Variants in MTAP observed in about 807,000 individuals in gnomAD.
The protein encoded by MTAP is methylthioadenosine phosphorylase.
MTAP carries 33 observed loss-of-function variants against 33.6 expected under a neutral mutation model. That is an observed-to-expected ratio of 0.98 (90% confidence interval 0.74 to 1.31). The LOEUF is 1.31. Ranked by LOEUF, MTAP falls within the 40% of genes most tolerant of loss-of-function variation. MTAP has a pLI of 0.00. For synonymous variants in MTAP, 148 were observed against 125.7 expected, an observed-to-expected ratio of 1.18 and a Z score of -1.19; for missense variants, 367 against 360.0, an observed-to-expected ratio of 1.02 and a Z score of -0.16.
Position 21,911,199 on chromosome 9 carries a change from A to G in MTAP, c.148-19809A>G, listed in dbSNP as rs1045913361. Among the ~76,000 whole-genome samples, 10 of 152,144 alleles carry G rather than the reference A, an allele frequency of 6.6e-5. No individual in the cohort carries two copies. In the South Asian group the frequency reaches 8.3e-4, roughly 13 times the overall value. ...TAATAATGGGAGACTTTAACACCCC[A>G]CTATCAACATTAGACAGATCAATGA... On this transcript the variant is annotated intron_variant, in intron 1 of 1. Coordinates refer to the MTAP transcript ENST00000577563.
In MTAP at chr9:21,860,513, C is replaced by T. The variant is rs954387990; in HGVS notation, c.813+1088C>T. 1.1e-4 allele frequency: 17 copies of T among 152,126 alleles called. 1 individual carries two copies. Among genetic ancestry groups the T allele is most frequent in the Non-Finnish European group, 4.4e-5 (3 of 68,024 alleles). The allele number at this position is 152,126 out of a possible 1,614,324, so 9.4% of individuals were successfully genotyped here. A position where few individuals can be genotyped will look rare whatever the true frequency, so the allele number is the denominator to read the frequency against. On this transcript the variant is annotated intron_variant, in intron 7 of 7. Coordinates refer to ENST00000644715, the MANE Select transcript of MTAP (RefSeq NM_002451.4). ...TGGTTTCAACACTGTATACCTAGGA[C>T]CTAAATGTTATTTAATGAATAAATG...
chr9:21,809,939 GAAGTGTGTCTTTAA>G (rs1433836924), intron 1 of MTAP, among the ~76,000 whole-genome samples: 2 of 152,230 alleles, frequency 1.3e-5, no homozygotes, highest in Non-Finnish European at 2.9e-5. Context: ...TTCAGCAGGT[GAAGTGTGTCTTTAA>G]GAGGGTGTCT....
intron 5 of MTAP, among the ~76,000 whole-genome samples, chr9:21,849,730 AT>A (rs1370896640): frequency 1.3e-5 from 2 of 152,234 alleles, no homozygotes; most frequent in African/African-American, 2.4e-5. Context: ...CCACATCCCC[AT>A]TTATCTCTCC....
At chr9:21,871,930 GA>G (rs1825943797), downstream of MTAP, among the ~76,000 whole-genome samples, 1 of 152,184 alleles carries the variant, frequency 6.6e-6, no homozygotes, top group Non-Finnish European at 1.5e-5. Flanking sequence ...TATATTGTCT[GA>G]TTTCAGTCTT....
downstream of MTAP, among the ~76,000 whole-genome samples, chr9:21,939,510 C>T (rs1408799173): frequency 6.6e-6 from 1 of 152,118 alleles, no homozygotes; most frequent in Non-Finnish European, 1.5e-5. Flanking sequence ...AATTCAGAAA[C>T]TATTAGCAAG....
chr9:21,904,248 T>C (rs1275252427), intron 1 of MTAP, among the ~76,000 whole-genome samples: 3 of 152,174 alleles, frequency 2.0e-5, no homozygotes, highest in Non-Finnish European at 4.4e-5. Flanking sequence ...TTCAGCCGCC[T>C]GTGTATCTGC....
chr9:21,804,747 C>T (rs903398151), intron 1 of MTAP, among the ~76,000 whole-genome samples: 2 of 152,184 alleles, frequency 1.3e-5, no homozygotes, highest in Non-Finnish European at 2.9e-5. Flanking sequence ...TCAAGACCAT[C>T]CATATAGCCA....
intron 1 of MTAP, among the ~76,000 whole-genome samples, chr9:21,813,576 A>G (rs1263258163): frequency 6.6e-6 from 1 of 152,204 alleles, no homozygotes; most frequent in Non-Finnish European, 1.5e-5. Context: ...GCTCCAAACA[A>G]AGCCCAACTC....
intron 1 of MTAP, among the ~76,000 whole-genome samples, chr9:21,898,584 G>A (rs951314914): frequency 2.6e-5 from 4 of 152,022 alleles, no homozygotes; most frequent in Admixed American, 2.0e-4. Flanking sequence ...ATATGAACAG[G>A]CCCTTTTCAA....
Position 21,892,835 on chromosome 9 carries a change from C to G in MTAP, c.147+37965C>G, listed in dbSNP as rs550169204. ...ACAACAGAATATACATTCTTCTCATCTGCACATGGCATATAGACTAAAATG... is the reference window on the plus strand; with the variant it reads ...ACAACAGAATATACATTCTTCTCATGTGCACATGGCATATAGACTAAAATG... On this transcript the variant is annotated intron_variant, in intron 1 of 1. Coordinates refer to the MTAP transcript ENST00000577563. 1.8e-4 allele frequency: 28 copies of G among 152,340 alleles called. No homozygotes were observed. In the Middle Eastern group the frequency reaches 0.014, roughly 74 times the overall value. The allele number at this position is 152,340 out of a possible 1,614,324, so 9.4% of individuals were successfully genotyped here.
intron 5 of MTAP, among the ~76,000 whole-genome samples, chr9:21,843,611 A>C (rs1424315782): frequency 2.6e-5 from 4 of 152,202 alleles, no homozygotes; most frequent in Non-Finnish European, 5.9e-5. Context: ...AAACTATACA[A>C]ATACTTGGAA....
chr9:21,827,526 A>G (rs1468281314), intron 4 of MTAP, among the ~76,000 whole-genome samples: 1 of 152,230 alleles, frequency 6.6e-6, no homozygotes, highest in Non-Finnish European at 1.5e-5. Flanking sequence ...GTTCAACCTA[A>G]TAAATAATGG....
intron 5 of MTAP, among the ~76,000 whole-genome samples, chr9:21,846,224 C>G (rs1825378394): frequency 6.6e-6 from 1 of 152,080 alleles, no homozygotes; most frequent in African/African-American, 2.4e-5. Context: ...ATCAACAACC[C>G]AAAAGCAAAT....
At chr9:21,827,483 T>G (rs1253624915) in intron 4 of MTAP, among the ~76,000 whole-genome samples, 1 of 152,220 alleles carries the variant, frequency 6.6e-6, no homozygotes, top group Non-Finnish European at 1.5e-5. Context: ...ATTCTGTAGG[T>G]CAGAAATGGT....
At chr9:21,915,060 C>CT (rs2131022793) in intron 1 of MTAP, among the ~76,000 whole-genome samples, 6 of 113,218 alleles carry the variant, frequency 5.3e-5, no homozygotes, top group African/African-American at 2.6e-4. Flanking sequence ...TCCTTCCTTT[C>CT]TTTCTTTCTT....
At position 21,885,978 on chromosome 9, in the gene MTAP, G is replaced by A. The variant is rs147480899; in HGVS notation, c.147+31108G>A. ...TCCTCTGGGTAGACATAGATACCCAGTCATGGGATTGCTGGATCAAATGGT... is the reference window on the plus strand; with the variant it reads ...TCCTCTGGGTAGACATAGATACCCAATCATGGGATTGCTGGATCAAATGGT... On this transcript the variant is annotated intron_variant, in intron 1 of 1. Transcript: ENST00000577563. Among the ~76,000 whole-genome samples the A allele has an allele frequency of 2.0e-5, 3 of 152,170 alleles. No individual in the cohort carries two copies. In the East Asian group the frequency reaches 5.8e-4, roughly 29 times the overall value.
chr9:21,851,492 T>G (rs1825511392), intron 5 of MTAP, among the ~76,000 whole-genome samples: 3 of 152,240 alleles, frequency 2.0e-5, no homozygotes, highest in Admixed American at 6.5e-5. Context: ...TTTGGGTTGG[T>G]GTTTGGTGCA....
At chr9:21,803,696 CTTCTA>C (rs1489817977) in intron 1 of MTAP, among the ~76,000 whole-genome samples, 1 of 150,636 alleles carries the variant, frequency 6.6e-6, no homozygotes, top group Non-Finnish European at 1.5e-5. Flanking sequence ...CTTAAGACCT[CTTCTA>C]GGCAGTTTAT....
chr9:21,934,373 CTA>C (rs1449807381), downstream of MTAP: 1 of 152,168 alleles, frequency 6.6e-6, no homozygotes, highest in African/African-American at 2.4e-5. The surrounding 1 kb of genome is among the most constrained non-coding windows in gnomAD (Gnocchi z 5.0). Context: ...CCTTCTCAGG[CTA>C]TCTTCAGTTC....
Sources: allele counts gnomAD v4.1 joint callset (sites outside exome capture counted in the v4.1 genomes callset), GRCh38; gene constraint gnomAD v4.1.1; non-coding constraint Gnocchi (gnomAD v3.1); transcripts MANE v1.5; gene names NCBI Gene and HGNC (gene_info 2026-07-23, HGNC 2026-07-21).